Variants in LARGE1 observed in about 807,000 individuals in gnomAD.
LARGE1 encodes xylosyl- and glucuronyltransferase LARGE1.
In LARGE1, 43 loss-of-function variants were observed where a neutral mutation model predicts 87.6. The ratio of observed to expected loss-of-function variants is 0.49; its 90% CI spans 0.38 to 0.63. The LOEUF (loss-of-function observed/expected upper bound fraction) is 0.63. Among genes scored for constraint, LARGE1 ranks in the 30% least tolerant of loss-of-function variants. The pLI is 0.00. For synonymous variants in LARGE1, 434 were observed against 394.6 expected (o/e 1.10, Z -1.18); for missense variants, 802 against 1,000.2 (o/e 0.80, Z 2.67).
At chr22:33,354,513 TCA>T (rs1016541381) in intron 9 of LARGE1, among the ~76,000 whole-genome samples, 1 of 152,222 alleles carries the variant, frequency 6.6e-6, no homozygotes, top group Non-Finnish European at 1.5e-5. Context: ...CACTGAAAAG[TCA>T]CAGTTTCCGT....
intron 6 of LARGE1, among the ~76,000 whole-genome samples, chr22:33,451,458 C>A (rs2067917316): frequency 6.6e-6 from 1 of 152,018 alleles, no homozygotes; most frequent in East Asian, 1.9e-4. Flanking sequence ...GCACCCATCA[C>A]CCGAGCAGTA....
At chr22:33,119,820 C>T in the LARGE1 span, among the ~76,000 whole-genome samples, 1 of 152,156 alleles carries the variant, frequency 6.6e-6, no homozygotes, top group Admixed American at 6.5e-5. Context: ...GGTATTAATG[C>T]AGTGACCTGT....
chr22:33,315,647 A>C lies in LARGE1; in HGVS notation c.1451+438T>G, dbSNP rs145503850. On this transcript the variant is annotated intron_variant, in intron 11 of 14. Transcript: ENST00000397394. ...AGTACTCTTTTTTTTTCTTTTTTTT[A>C]AAGATGGAGCCGTGCTCTGTCACCC... Among the ~76,000 whole-genome samples the C allele has an allele frequency of 5.5e-3, 834 of 151,130 alleles. 26 individuals carry two copies. Among genetic ancestry groups the C allele is most frequent in the Admixed American group, 0.045 (682 of 15,184 alleles).
chr22:33,487,366 T>C (rs775799117), intron 6 of LARGE1, among the ~76,000 whole-genome samples: 1 of 152,218 alleles, frequency 6.6e-6, no homozygotes, highest in Non-Finnish European at 1.5e-5. Context: ...CCACTCCATG[T>C]TGGTGATGAA....
At chr22:33,380,839 G>T (rs11705379) in intron 9 of LARGE1, among the ~76,000 whole-genome samples, 14,613 of 152,272 alleles carry the variant, frequency 0.096, 921 homozygotes, top group South Asian at 0.25. Flanking sequence ...GATACAACCT[G>T]AGAGGCAAAA....
intron 1 of LARGE1, among the ~76,000 whole-genome samples, chr22:33,852,211 G>A (rs1234500011): frequency 6.6e-6 from 1 of 152,182 alleles, no homozygotes; most frequent in Non-Finnish European, 1.5e-5. Context: ...TAAGACTCAT[G>A]ATGGAGAAGG....
intron 6 of LARGE1, among the ~76,000 whole-genome samples, chr22:33,562,064 G>A (rs1460874302): frequency 6.6e-6 from 1 of 152,218 alleles, no homozygotes; most frequent in Non-Finnish European, 1.5e-5. Flanking sequence ...AGTGAAGGAT[G>A]TCAACGACAA....
chr22:33,088,349 T>C, the LARGE1 span, among the ~76,000 whole-genome samples: 1 of 152,262 alleles, frequency 6.6e-6, no homozygotes, highest in African/African-American at 2.4e-5. Context: ...TCATTAGCTG[T>C]GTGTGTTAGA....
chr22:33,794,645 G>C (rs2085924889), intron 1 of LARGE1, among the ~76,000 whole-genome samples: 1 of 152,132 alleles, frequency 6.6e-6, no homozygotes. Flanking sequence ...TTTTGAGATG[G>C]AGTCTCGCTC....
At chr22:33,315,374 G>C (rs532317734) in intron 11 of LARGE1, among the ~76,000 whole-genome samples, 1 of 152,156 alleles carries the variant, frequency 6.6e-6, no homozygotes, top group Non-Finnish European at 1.5e-5. Context: ...GCTCATGTCC[G>C]TACTGCCTGG....
chr22:33,626,155 A>T, intron 4 of LARGE1, 89 bp downstream of exon 4: 1 of 1,067,946 alleles, frequency 9.4e-7, no homozygotes, highest in South Asian at 1.3e-5. Flanking sequence ...ATTGATGAGA[A>T]ATTTTGCTCC....
chr22:33,598,696 C>T (rs1467483835), intron 5 of LARGE1, among the ~76,000 whole-genome samples: 3 of 152,186 alleles, frequency 2.0e-5, no homozygotes, highest in Non-Finnish European at 4.4e-5. Context: ...CTACAAAGGA[C>T]ATGAACTTAT....
intron 2 of LARGE1, among the ~76,000 whole-genome samples, chr22:33,702,471 A>T (rs945821893): frequency 2.6e-5 from 4 of 152,220 alleles, no homozygotes; most frequent in Non-Finnish European, 5.9e-5. Flanking sequence ...TTAATAGGAA[A>T]TTGTCTATTC....
chr22:33,430,180 G>A (rs1463373529), intron 7 of LARGE1, among the ~76,000 whole-genome samples: 1 of 152,196 alleles, frequency 6.6e-6, no homozygotes, highest in Non-Finnish European at 1.5e-5. Flanking sequence ...AGCCTTCGAT[G>A]CTCCAATCTT....
intron 1 of LARGE1, among the ~76,000 whole-genome samples, chr22:33,892,172 T>A (rs1003614668): frequency 1.3e-5 from 2 of 152,318 alleles, no homozygotes; most frequent in East Asian, 3.9e-4. Flanking sequence ...TGCTACCTAA[T>A]GAGCCATCCC....
At chr22:33,183,694 C>A (rs2157226) in intron 11 of LARGE1, among the ~76,000 whole-genome samples, 1 of 150,908 alleles carries the variant, frequency 6.6e-6, no homozygotes, top group Non-Finnish European at 1.5e-5. Flanking sequence ...GTGATGGCAT[C>A]GATTGCTCTG....
chr22:33,146,160 T>A, the LARGE1 span, among the ~76,000 whole-genome samples: 4 of 152,206 alleles, frequency 2.6e-5, no homozygotes, highest in Admixed American at 1.3e-4. Context: ...AAGGACCTAA[T>A]GAAAATGCTT....
intron 6 of LARGE1, among the ~76,000 whole-genome samples, chr22:33,498,092 T>C (rs940759735): frequency 8.8e-4 from 134 of 152,066 alleles, no homozygotes; most frequent in African/African-American, 3.1e-3. Context: ...GGCATGTTGG[T>C]TAGGCTGGTC....
rs559831885 is a variant in LARGE1 at position 33,343,544 on chromosome 22, C to G, written c.1132-5743G>C. Among the ~76,000 whole-genome samples, 8 of 152,254 alleles carry G rather than the reference C, an allele frequency of 5.3e-5. No individual in the cohort carries two copies. The South Asian group carries it at 1.7e-3, about 32-fold the overall frequency. The stretch of plus-strand genomic sequence containing the variant: ...GGATTATAGAGGAAACAAAATAGCT[C>G]TCACGTTTCCTCAGTAGCCCCCTAC... On this transcript the variant is annotated intron_variant, in intron 9 of 14. Transcript: ENST00000397394.
Sources: allele counts gnomAD v4.1 joint callset (sites outside exome capture counted in the v4.1 genomes callset), GRCh38; gene constraint gnomAD v4.1.1; transcripts MANE v1.5; gene names NCBI Gene and HGNC (gene_info 2026-07-23, HGNC 2026-07-21).